Variants in NOSTRIN observed in about 807,000 individuals in gnomAD.
The protein encoded by NOSTRIN is nitric oxide synthase trafficking, also known as BM247 homolog.
NOSTRIN carries 63 observed loss-of-function variants against 59.0 expected under a neutral mutation model. The ratio of observed to expected loss-of-function variants is 1.07; its 90% CI spans 0.87 to 1.32. The LOEUF (loss-of-function observed/expected upper bound fraction) is 1.32, where lower values mean the gene tolerates loss of function less well. NOSTRIN is among the 40% of genes most tolerant of loss of function. NOSTRIN has a pLI of 0.00. For synonymous variants in NOSTRIN, 200 were observed against 165.4 expected, an observed-to-expected ratio of 1.21 and a Z score of -1.61; for missense variants, 512 against 473.1, an observed-to-expected ratio of 1.08 and a Z score of -0.76.
chr2:168,813,672 C>A (rs1266027549), intron 2 of NOSTRIN, among the ~76,000 whole-genome samples: 1 of 152,112 alleles, frequency 6.6e-6, no homozygotes, highest in African/African-American at 2.4e-5. Flanking sequence ...CCCCTCATAG[C>A]TTTACATCCT....
intron 7 of NOSTRIN, among the ~76,000 whole-genome samples, chr2:168,835,011 A>T (rs182385898): frequency 2.3e-4 from 35 of 152,302 alleles, no homozygotes; most frequent in African/African-American, 7.9e-4. Context: ...AAAAATGTAT[A>T]CTTGGAGCAA....
At chr2:168,800,047 G>A (rs1685574145), upstream of NOSTRIN, among the ~76,000 whole-genome samples, 1 of 152,096 alleles carries the variant, frequency 6.6e-6, no homozygotes, top group South Asian at 2.1e-4. Context: ...CAGAGGCCTC[G>A]AGCTCTTCCA....
intron 8 of NOSTRIN, among the ~76,000 whole-genome samples, chr2:168,849,189 G>A (rs1055402379): frequency 1.3e-5 from 2 of 152,056 alleles, no homozygotes; most frequent in African/African-American, 2.4e-5. Flanking sequence ...CCCTATGGTC[G>A]TGTTACCCAC....
At chr2:168,840,600 CA>C (rs1169302009) in intron 7 of NOSTRIN, among the ~76,000 whole-genome samples, 1 of 148,398 alleles carries the variant, frequency 6.7e-6, no homozygotes, top group Non-Finnish European at 1.5e-5. Context: ...AGCTGGGGGA[CA>C]GTTGTATAGC....
At chr2:168,797,085 T>TC (rs1685502512), upstream of NOSTRIN, among the ~76,000 whole-genome samples, 2 of 94,124 alleles carry the variant, frequency 2.1e-5, no homozygotes, top group East Asian at 5.7e-4. Context: ...TTTTCTTTTT[T>TC]TTTTTTTTTT....
chr2:168,837,139 G>A (rs953083973), intron 7 of NOSTRIN, among the ~76,000 whole-genome samples: 1 of 152,026 alleles, frequency 6.6e-6, no homozygotes, highest in Non-Finnish European at 1.5e-5. Flanking sequence ...GCCTAATCTG[G>A]TGGGAGGGCA....
At chr2:168,846,125 T>C (rs35762680) in intron 8 of NOSTRIN, among the ~76,000 whole-genome samples, 4,394 of 152,312 alleles carry the variant, frequency 0.029, 89 homozygotes, top group Non-Finnish European at 0.044. Flanking sequence ...ACTCAGTCTA[T>C]ACCAGAAGGT....
chr2:168,824,768 T>TTTTGGTTGTTTG, intron 3 of NOSTRIN, 51 bp downstream of exon 3: 1 of 736,446 alleles, frequency 1.4e-6, no homozygotes, highest in Non-Finnish European at 2.4e-6. Flanking sequence ...TTTATTTGTT[T>TTTTGGTTGTTTG]TTTGTTTGTT....
At position 168,820,671 on chromosome 2, in the gene NOSTRIN, T is replaced by C. The variant is rs1160809146; in HGVS notation, c.114-3963T>C. 4.4e-5 allele frequency among the ~76,000 whole-genome samples: 6 copies of C among 137,604 alleles called. No individual in the cohort carries two copies. In the East Asian group the frequency reaches 1.3e-3, roughly 29 times the overall value. The allele number at this position is 137,604 out of a possible 152,430, so 90.3% of individuals were successfully genotyped here. A position where few individuals can be genotyped will look rare whatever the true frequency, so the allele number is the denominator to read the frequency against. On this transcript the variant is annotated intron_variant, in intron 2 of 15. Coordinates refer to ENST00000317647, the MANE Select transcript of NOSTRIN (RefSeq NM_001039724.4). ...TCTTTAGGCTGGTTTCCTACCATGC[T>C]CAAGAGAAAGCCGGCAGAAACACTG...
In NOSTRIN at chr2:168,834,503, G is replaced by GCACACACACACA. The variant is rs1355060150; in HGVS notation, c.504+179_504+180insACACACACACAC. On this transcript the variant is annotated intron_variant, in intron 7 of 15. Coordinates refer to ENST00000317647, the MANE Select transcript of NOSTRIN (RefSeq NM_001039724.4). ...TCATTACTGGCGTGCGCGCGCGCGCGCGCGCACACACACACACACACACAC... is the reference window on the plus strand; with the variant it reads ...TCATTACTGGCGTGCGCGCGCGCGCGCACACACACACACGCGCACACACACACACACACACAC... Among the ~76,000 whole-genome samples the GCACACACACACA allele has an allele frequency of 8.3e-3, 995 of 119,784 alleles. 16 individuals are homozygous for GCACACACACACA. Among genetic ancestry groups the GCACACACACACA allele is most frequent in the African/African-American group, 0.027 (928 of 34,522 alleles). 78.6% of individuals were successfully genotyped at this position (119,784 alleles called of 152,430 possible). A position where few individuals can be genotyped will look rare whatever the true frequency, so the allele number is the denominator to read the frequency against.
At chr2:168,839,900 A>AAAAAAAAT (rs1553529218) in intron 7 of NOSTRIN, among the ~76,000 whole-genome samples, 1 of 123,208 alleles carries the variant, frequency 8.1e-6, no homozygotes, top group Non-Finnish European at 1.6e-5. Context: ...AAAAAAAAAA[A>AAAAAAAAT]ATATATATAT....
chr2:168,853,651 G>A (rs1688903088), intron 10 of NOSTRIN, among the ~76,000 whole-genome samples: 1 of 152,190 alleles, frequency 6.6e-6, no homozygotes, highest in African/African-American at 2.4e-5. Flanking sequence ...CCTTCAACAG[G>A]GAAGGACTAA....
intron 1 of NOSTRIN, among the ~76,000 whole-genome samples, chr2:168,808,144 T>G (rs1685955093): frequency 6.6e-6 from 1 of 152,188 alleles, no homozygotes; most frequent in African/African-American, 2.4e-5. Context: ...CAGCAGCCCC[T>G]GTAACCCAAG....
chr2:168,865,051 C>A lies in NOSTRIN; in HGVS notation c.*81C>A. On this transcript the variant is annotated 3_prime_UTR_variant, in exon 16 of 16. Transcript: ENST00000317647. ...TCAAATAAGAATAAAGTGCTCTTAC[C>A]TTTACATGTTTTTCTTTTGAAATGG... 1 of 1,469,158 alleles carries A rather than the reference C, an allele frequency of 6.8e-7. No homozygotes were observed. Among genetic ancestry groups the A allele is most frequent in the Non-Finnish European group, 9.3e-7 (1 of 1,078,888 alleles). The allele number at this position is 1,469,158 out of a possible 1,614,324, so 91.0% of individuals were successfully genotyped here.
chr2:168,830,732 G>C (rs1007587061), intron 5 of NOSTRIN, among the ~76,000 whole-genome samples: 1 of 152,184 alleles, frequency 6.6e-6, no homozygotes, highest in African/African-American at 2.4e-5. Flanking sequence ...TGAAATTAAA[G>C]CAATATTCAC....
At chr2:168,815,604 G>A (rs1057358349) in intron 2 of NOSTRIN, among the ~76,000 whole-genome samples, 3 of 152,042 alleles carry the variant, frequency 2.0e-5, no homozygotes, top group South Asian at 2.1e-4. Flanking sequence ...GATTCATTGC[G>A]GACACTGTCA....
chr2:168,794,640 C>T (rs1685436109), upstream of NOSTRIN, among the ~76,000 whole-genome samples: 1 of 152,182 alleles, frequency 6.6e-6, no homozygotes, highest in South Asian at 2.1e-4. Flanking sequence ...CGTGAGCTAC[C>T]ACGCCCAGCC....
intron 1 of NOSTRIN, among the ~76,000 whole-genome samples, chr2:168,806,458 G>GT (rs891535513): frequency 2.1e-4 from 32 of 152,222 alleles, no homozygotes; most frequent in African/African-American, 7.7e-4. Flanking sequence ...ATTACTAAAT[G>GT]TTTTTTGTAA....
chr2:168,823,515 T>A (rs1686878840), intron 2 of NOSTRIN, among the ~76,000 whole-genome samples: 1 of 152,222 alleles, frequency 6.6e-6, no homozygotes, highest in Admixed American at 6.5e-5. Context: ...GGCTTGTAGA[T>A]GCACCACTCA....
Sources: gnomAD v4.1 joint callset for allele counts (sites outside exome capture counted in the v4.1 genomes callset) on GRCh38, gnomAD v4.1.1 for gene constraint, MANE v1.5 for transcripts, NCBI Gene and HGNC (gene_info 2026-07-23, HGNC 2026-07-21) for gene names.